Variants in FBXL18 observed in about 807,000 individuals in gnomAD.
FBXL18 encodes F-box and leucine rich repeat protein 18, also known as F-box/LRR-repeat protein 18.
In FBXL18, 36 loss-of-function variants were observed where a neutral mutation model predicts 46.0. The ratio of observed to expected loss-of-function variants is 0.78; its 90% CI spans 0.60 to 1.03. The LOEUF (loss-of-function observed/expected upper bound fraction) is 1.03, where lower values mean the gene tolerates loss of function less well. Among genes scored for constraint, FBXL18 ranks in the 50% least tolerant of loss-of-function variants. The probability of loss-of-function intolerance (pLI) is 0.00; values close to 1 mark genes in which losing one functional copy is unlikely to be tolerated. For synonymous variants in FBXL18, 557 were observed against 465.3 expected (o/e 1.20, Z -2.54); for missense variants, 977 against 1,004.1 (o/e 0.97, Z 0.36).
At chr7:5,512,138 G>A (rs1470227549) in intron 1 of FBXL18, among the ~76,000 whole-genome samples, 2 of 150,402 alleles carry the variant, frequency 1.3e-5, no homozygotes, top group South Asian at 2.1e-4. Context: ...CCAGCTACTC[G>A]GGAGGCTGAG....
chr7:5,464,758 A>AT (rs936820613), intron 4 of FBXL18, among the ~76,000 whole-genome samples: 1 of 83,516 alleles, frequency 1.2e-5, no homozygotes, highest in Non-Finnish European at 2.8e-5. Flanking sequence ...TTGTTTGGAT[A>AT]TTAAAAAAAA....
chr7:5,500,852 A>G lies in FBXL18; in HGVS notation c.1417T>C (p.Ser473Pro), dbSNP rs1174253301. 2 of 1,609,166 alleles carry G rather than the reference A, an allele frequency of 1.2e-6. No individual in the cohort carries two copies. Among genetic ancestry groups the G allele is most frequent in the Middle Eastern group, 1.7e-4 (1 of 6,046 alleles). Residue 473 changes from serine (S) to proline (P), a missense_variant, in exon 3 of 5, where the codon TCC becomes CCC. Ser to Pro is a moderately conservative substitution (Grantham distance 74). Coordinates refer to ENST00000382368, the MANE Select transcript of FBXL18 (RefSeq NM_024963.6). ...FSGQACPQPS[S>P]VFWSLLKNLP... ...TTCTTCAGCAGAGACCAGAACACGG[A>G]GGAGGGCTGGGGGCACGCCTGGCCC...
rs554128734 is a variant in FBXL18, at chr7:5,468,478, C to T, written c.2001-20635G>A. On this transcript the variant is annotated intron_variant and NMD_transcript_variant, in intron 4 of 6. Transcript: ENST00000415009. ...GGAAAGACGTTAACTGAAATATTAA[C>T]GGATGCACTGCCAGGCGGGTGAGAA... Among the ~76,000 whole-genome samples the T allele has an allele frequency of 6.0e-4, 91 of 152,276 alleles. 1 individual carries two copies. The highest frequency in any genetic ancestry group is 2.0e-3 in the African/African-American group (83 of 41,558).
intron 4 of FBXL18, among the ~76,000 whole-genome samples, chr7:5,469,053 G>A (rs1337643767): frequency 6.6e-6 from 1 of 152,104 alleles, no homozygotes; most frequent in Non-Finnish European, 1.5e-5. Context: ...TGAGCAGTGG[G>A]GGTTGTGTGT....
rs138208570 is a variant in FBXL18 at position 5,462,950 on chromosome 7, C to CAAAAAAAAAAA, written c.2001-15118_2001-15108dup. 3.1e-3 allele frequency among the ~76,000 whole-genome samples: 69 copies of CAAAAAAAAAAA among 22,356 alleles called. 1 individual carries two copies. The highest frequency in any genetic ancestry group is 3.9e-3 in the African/African-American group (29 of 7,512). 14.7% of individuals were successfully genotyped at this position (22,356 alleles called of 152,430 possible). ...TGGGCGACAGAGTGAGACTTGGTCTCAAAAAAAAAAAAAAAAAAAATATAT... is the reference window on the plus strand; with the variant it reads ...TGGGCGACAGAGTGAGACTTGGTCTCAAAAAAAAAAAAAAAAAAAAAAAAAAAAAAATATAT... On this transcript the variant is annotated intron_variant and NMD_transcript_variant, in intron 4 of 6. Transcript: ENST00000415009.
chr7:5,480,548 A>ATATATATATATATATATAAT lies in FBXL18; in HGVS notation c.*1226_*1227insATTATATATATATATATATA, dbSNP rs1783616980. On this transcript the variant is annotated 3_prime_UTR_variant, in exon 5 of 5. Transcript: ENST00000382368. ...GTTGAATATATATATATATATATAT[A>ATATATATATATATATATAAT]TTTTTTTTTTTTTTTTTTTTTTTTT... is the stretch of plus-strand genomic sequence containing the variant. 1 of 40,344 alleles carries ATATATATATATATATATAAT rather than the reference A, an allele frequency of 2.5e-5. No homozygotes were observed. The highest frequency in any genetic ancestry group is 9.6e-5 in the African/African-American group (1 of 10,398). The allele number at this position is 40,344 out of a possible 1,614,324, so 2.5% of individuals were successfully genotyped here.
At chr7:5,491,184 G>A (rs1008721323) in intron 4 of FBXL18, 47 bp downstream of exon 4, 1 of 1,529,496 alleles carries the variant, frequency 6.5e-7, no homozygotes, top group Non-Finnish European at 8.9e-7. Flanking sequence ...ACGGGATGCT[G>A]GTGATTTCTG....
chr7:5,500,280 A>G (rs1784199179), intron 3 of FBXL18, among the ~76,000 whole-genome samples: 1 of 152,040 alleles, frequency 6.6e-6, no homozygotes, highest in East Asian at 1.9e-4. Flanking sequence ...GAATAAAGAC[A>G]CTAAGCTCAG....
chr7:5,470,463 C>T (rs1196161396), intron 4 of FBXL18, among the ~76,000 whole-genome samples: 2 of 152,154 alleles, frequency 1.3e-5, no homozygotes, highest in Non-Finnish European at 2.9e-5. Context: ...CCTGAGCTGC[C>T]ACGAAACCCG....
At position 5,479,238 on chromosome 7, in the gene FBXL18, T is replaced by C. The variant is rs1783585476; in HGVS notation, c.*2537A>G. On this transcript the variant is annotated 3_prime_UTR_variant, in exon 5 of 5. Coordinates refer to ENST00000382368, the MANE Select transcript of FBXL18 (RefSeq NM_024963.6). ...CCCAGTCCTGTCTATGAGTATAAAT[T>C]ATGCTGCTGGTTAAAACCGCTTGCT... The C allele has an allele frequency of 6.6e-6, 1 of 152,058 alleles. No individual in the cohort carries two copies. The highest frequency in any genetic ancestry group is 1.9e-4 in the East Asian group (1 of 5,174). The allele number at this position is 152,058 out of a possible 1,614,324, so 9.4% of individuals were successfully genotyped here.
intron 1 of FBXL18, among the ~76,000 whole-genome samples, chr7:5,508,692 T>G (rs1784454646): frequency 1.3e-5 from 2 of 151,526 alleles, no homozygotes; most frequent in South Asian, 2.1e-4. Flanking sequence ...AAAGACAGAC[T>G]CCCAAATCAG....
intron 4 of FBXL18, among the ~76,000 whole-genome samples, chr7:5,483,385 G>A (rs1199604318): frequency 6.6e-6 from 1 of 151,828 alleles, no homozygotes; most frequent in East Asian, 1.9e-4. Flanking sequence ...AGTTTCCAGT[G>A]AGCCGAGATC....
chr7:5,505,959 G>T (rs111765269), intron 1 of FBXL18, among the ~76,000 whole-genome samples: 10,927 of 152,210 alleles, frequency 0.072, 580 homozygotes, highest in South Asian at 0.17. Flanking sequence ...CCGCCTCCCA[G>T]GCTCAAGAGA....
At position 5,513,716 on chromosome 7, in the gene FBXL18, C is replaced by A; in HGVS notation, c.-42G>T. 1 of 1,590,376 alleles carries A rather than the reference C, an allele frequency of 6.3e-7. No individual in the cohort carries two copies. ...AACCGCGGCCGCGGGATCCGCAACCCCGTGCCTCCCACCTGCCCGGCTAGG... is the reference window on the plus strand; with the variant it reads ...AACCGCGGCCGCGGGATCCGCAACCACGTGCCTCCCACCTGCCCGGCTAGG... On this transcript the variant is annotated 5_prime_UTR_variant, in exon 1 of 5. Coordinates refer to ENST00000382368, the MANE Select transcript of FBXL18 (RefSeq NM_024963.6).
intron 4 of FBXL18, among the ~76,000 whole-genome samples, chr7:5,462,895 G>A (rs1483383192): frequency 1.4e-5 from 2 of 140,520 alleles, no homozygotes; most frequent in African/African-American, 5.3e-5. Flanking sequence ...AGCTTGCAGT[G>A]AGCCAAGATC....
intron 4 of FBXL18, among the ~76,000 whole-genome samples, chr7:5,490,684 G>T (rs1264973929): frequency 1.3e-5 from 2 of 152,242 alleles, no homozygotes; most frequent in Non-Finnish European, 2.9e-5. Context: ...ATGGTTGCAG[G>T]CTGGGTGCGG....
At position 5,501,470 on chromosome 7, in the gene FBXL18, T is replaced by A; in HGVS notation, c.799A>T (p.Ile267Phe). ...RTPQNLHAFL[I>F]SVPGSFAESG... ...TCCGCGAAGCTGCCAGGGACGGAGA[T>A]GAGGAAGGCGTGGAGGTTCTGAGGA... Residue 267 changes from isoleucine to phenylalanine, a missense_variant, in exon 3 of 5, where the codon ATC becomes TTC. Ile to Phe is a conservative substitution (Grantham distance 21). Coordinates refer to ENST00000382368, the MANE Select transcript of FBXL18 (RefSeq NM_024963.6). 1.2e-6 allele frequency: 2 copies of A among 1,613,338 alleles called. No individual in the cohort carries two copies. Among genetic ancestry groups the A allele is most frequent in the Non-Finnish European group, 1.7e-6 (2 of 1,179,894 alleles).
At chr7:5,468,668 T>C (rs1380226543) in intron 4 of FBXL18, among the ~76,000 whole-genome samples, 1 of 152,136 alleles carries the variant, frequency 6.6e-6, no homozygotes, top group Non-Finnish European at 1.5e-5. Context: ...AGTGGTGATC[T>C]TGGCTCTCTG....
At chr7:5,482,155 G>A (rs893343541) in intron 4 of FBXL18, among the ~76,000 whole-genome samples, 5 of 152,176 alleles carry the variant, frequency 3.3e-5, no homozygotes, top group Admixed American at 6.5e-5. Flanking sequence ...CAGGCCACAC[G>A]CTTCTCTCCA....
Sources: gnomAD v4.1 joint callset for allele counts (sites outside exome capture counted in the v4.1 genomes callset) on GRCh38, gnomAD v4.1.1 for gene constraint, MANE v1.5 for transcripts, NCBI Gene and HGNC (gene_info 2026-07-23, HGNC 2026-07-21) for gene names.